Variants in CEACAM16 observed in about 807,000 individuals in gnomAD.
CEACAM16 encodes the protein cell adhesion molecule CEACAM16.
Under a neutral mutation model 39.4 loss-of-function variants are expected in CEACAM16, and 30 were observed. The observed-to-expected ratio is 0.76, with a 90% CI of 0.57 to 1.03. The LOEUF is 1.03. CEACAM16 is among the 50% of genes least tolerant of loss of function. CEACAM16 has a pLI of 0.00. For synonymous variants in CEACAM16, 262 were observed against 264.9 expected (o/e 0.99, Z 0.11); for missense variants, 521 against 585.3 (o/e 0.89, Z 1.13).
At chr19:44,708,592 G>A (rs1023249239) in intron 6 of CEACAM16, among the ~76,000 whole-genome samples, 3 of 152,192 alleles carry the variant, frequency 2.0e-5, no homozygotes, top group Non-Finnish European at 4.4e-5. Context: ...GTTAATTATA[G>A]GAGTTTACCT....
intron 2 of CEACAM16, among the ~76,000 whole-genome samples, 164 bp from the exon 3 acceptor site, chr19:44,703,185 T>C (rs572679247): frequency 6.6e-6 from 1 of 152,270 alleles, no homozygotes; most frequent in Non-Finnish European, 1.5e-5. Context: ...GTGGCTGAGA[T>C]GTTGAGAGTC....
chr19:44,707,154 T>G (rs1387858353), intron 5 of CEACAM16, among the ~76,000 whole-genome samples: 1 of 151,406 alleles, frequency 6.6e-6, no homozygotes, highest in Non-Finnish European at 1.5e-5. Flanking sequence ...CATGGCCCTG[T>G]TTTTTGAGCA....
Position 44,704,056 on chromosome 19 carries a change from G to C in CEACAM16, c.421G>C (p.Ala141Pro), listed in dbSNP as rs775017974. 2.5e-6 allele frequency: 4 copies of C among 1,610,364 alleles called. No homozygotes were observed. In the African/African-American group the frequency reaches 5.3e-5, roughly 22 times the overall value. Reference protein sequence around the residue: ...AQPTVLANSTALVERRDTLRL... With the variant: ...AQPTVLANSTPLVERRDTLRL... Reference sequence around the variant, plus strand: ...GCCCACAGTCTTGGCCAACAGCACAGCGCTGGTGGAACGTCGAGACACCCT... The same window carrying C: ...GCCCACAGTCTTGGCCAACAGCACACCGCTGGTGGAACGTCGAGACACCCT... Residue 141 changes from alanine (A) to proline (P), a missense_variant, in exon 4 of 7, where the codon GCG becomes CCG. Transcript: ENST00000587331.
In CEACAM16 at chr19:44,705,879, C is replaced by A; in HGVS notation, c.940+11C>A. 1 of 1,604,302 alleles carries A rather than the reference C, an allele frequency of 6.2e-7. No homozygotes were observed. Among genetic ancestry groups the A allele is most frequent in the Admixed American group, 1.7e-5 (1 of 59,802 alleles). On this transcript the variant is annotated intron_variant, in intron 5 of 6. Coordinates refer to ENST00000587331, the MANE Select transcript of CEACAM16 (RefSeq NM_001039213.4). ...TGGTCAAGCTCTCTGGTGAGTCACC[C>A]CCAGCCTGACCACCCCCCAGTCCCC... is the stretch of plus-strand genomic sequence containing the variant.
intron 1 of CEACAM16, among the ~76,000 whole-genome samples, chr19:44,700,284 C>A (rs575451801): frequency 6.6e-6 from 1 of 152,104 alleles, no homozygotes; most frequent in South Asian, 2.1e-4. Context: ...GGATTACAGG[C>A]GTTAGCCACC....
chr19:44,710,370 T>G, intron 6 of CEACAM16, 126 bp from the exon 7 acceptor site: 1 of 954,860 alleles, frequency 1.0e-6, no homozygotes, highest in Non-Finnish European at 1.6e-6. Context: ...AGGCTGAGCG[T>G]GGGGTGGATT....
chr19:44,708,205 G>C lies in CEACAM16; in HGVS notation c.1267+18G>C. 4 of 1,523,974 alleles carry C rather than the reference G, an allele frequency of 2.6e-6. No individual in the cohort carries two copies. The highest frequency in any genetic ancestry group is 3.6e-6 in the Non-Finnish European group (4 of 1,125,698). The allele number at this position is 1,523,974 out of a possible 1,614,324, so 94.4% of individuals were successfully genotyped here. On this transcript the variant is annotated intron_variant, in intron 6 of 6. Coordinates refer to ENST00000587331, the MANE Select transcript of CEACAM16 (RefSeq NM_001039213.4). ...GGTGGCCCGTGAGTGTGTGGGAAGG[G>C]GCAAGGCGTGCCCCTTTTTAGACAA...
In CEACAM16 at chr19:44,710,554, C is replaced by T. The variant is rs2065956312; in HGVS notation, c.*48C>T. The T allele has an allele frequency of 6.2e-7, 1 of 1,612,812 alleles. No homozygotes were observed. Among genetic ancestry groups the T allele is most frequent in the Non-Finnish European group, 8.5e-7 (1 of 1,179,016 alleles). On this transcript the variant is annotated 3_prime_UTR_variant, in exon 7 of 7. Coordinates refer to ENST00000587331, the MANE Select transcript of CEACAM16 (RefSeq NM_001039213.4). ...AGAGAGAAGAGCTCTTCGCACCATC[C>T]TCTGGTCCTCGCCCTCTGAGTGGGA...
At chr19:44,699,415 A>G (rs764746900) in intron 1 of CEACAM16, 155 bp downstream of exon 1, 234 of 475,936 alleles carry the variant, frequency 4.9e-4, no homozygotes, top group Non-Finnish European at 1.2e-4. Context: ...CAGTGGAACT[A>G]TGTCCAGAGC....
At chr19:44,708,860 G>C (rs995147585) in intron 6 of CEACAM16, among the ~76,000 whole-genome samples, 6 of 152,246 alleles carry the variant, frequency 3.9e-5, no homozygotes, top group Admixed American at 1.3e-4. Flanking sequence ...CTCCCCATCA[G>C]ACTGGGAGCT....
intron 5 of CEACAM16, among the ~76,000 whole-genome samples, chr19:44,706,932 G>A (rs1974459618): frequency 6.6e-6 from 1 of 152,142 alleles, no homozygotes; most frequent in Non-Finnish European, 1.5e-5. Context: ...CAAGGCCTCT[G>A]TCCTTGGAGA....
At chr19:44,705,236 T>C (rs1599811719) in intron 4 of CEACAM16, among the ~76,000 whole-genome samples, 2 of 151,836 alleles carry the variant, frequency 1.3e-5, no homozygotes, top group East Asian at 1.9e-4. Flanking sequence ...CCTTAGAACC[T>C]AGAAGCACCA....
rs1369516473 is a variant in CEACAM16 at position 44,708,138 on chromosome 19, C to T, written c.1218C>T (p.Val406=). The T allele has an allele frequency of 1.2e-6, 2 of 1,605,380 alleles. No homozygotes were observed. The highest frequency in any genetic ancestry group is 1.7e-6 in the Non-Finnish European group (2 of 1,175,694). The part of the protein sequence containing the change: ...TDTGRYTLKT[V]TVQGKTETLE... ...CTGGCCGCTACACACTCAAGACTGT[C>T]ACAGTGCAGGGCAAGACTGAGACAC... Residue 406 remains valine (V), a synonymous_variant, in exon 6 of 7, where the codon GTC becomes GTT. Coordinates refer to ENST00000587331, the MANE Select transcript of CEACAM16 (RefSeq NM_001039213.4).
chr19:44,708,570 T>C (rs1974488441), intron 6 of CEACAM16, among the ~76,000 whole-genome samples: 1 of 152,136 alleles, frequency 6.6e-6, no homozygotes, highest in East Asian at 1.9e-4. Context: ...AGGGTCCATA[T>C]TGGGGTAATG....
chr19:44,707,502 G>T (rs571071549), intron 5 of CEACAM16, among the ~76,000 whole-genome samples: 143 of 151,982 alleles, frequency 9.4e-4, no homozygotes, highest in African/African-American at 3.3e-3. Context: ...GGAAGACATG[G>T]TCCCCATTTT....
intron 4 of CEACAM16, among the ~76,000 whole-genome samples, chr19:44,704,605 G>A (rs892748057): frequency 2.0e-5 from 3 of 152,146 alleles, no homozygotes; most frequent in Non-Finnish European, 4.4e-5. Context: ...GGTGGCACAT[G>A]CCTGTAGTCC....
At chr19:44,706,183 C>T (rs1025776098) in intron 5 of CEACAM16, among the ~76,000 whole-genome samples, 6 of 151,858 alleles carry the variant, frequency 4.0e-5, no homozygotes, top group African/African-American at 1.2e-4. Context: ...CCTTGACCCT[C>T]TACCCGCCCC....
At chr19:44,709,077 G>C (rs572740088) in intron 6 of CEACAM16, among the ~76,000 whole-genome samples, 1 of 152,188 alleles carries the variant, frequency 6.6e-6, no homozygotes, top group East Asian at 1.9e-4. Context: ...ATCAGACTGA[G>C]AGCTCCCAGA....
At chr19:44,703,043 G>A (rs1974374631) in intron 2 of CEACAM16, among the ~76,000 whole-genome samples, 1 of 152,222 alleles carries the variant, frequency 6.6e-6, no homozygotes, top group Non-Finnish European at 1.5e-5. Context: ...TGTAAGCATG[G>A]TATGTATACA....
Sources: allele counts gnomAD v4.1 joint callset (sites outside exome capture counted in the v4.1 genomes callset), GRCh38; gene constraint gnomAD v4.1.1; transcripts MANE v1.5; gene names NCBI Gene and HGNC (gene_info 2026-07-23, HGNC 2026-07-21).